The following KIFC2 variants were observed in gnomAD, a reference collection of about 807,000 sequenced individuals.
KIFC2 encodes kinesin-like protein KIFC2.
KIFC2 carries 94 observed loss-of-function variants against 91.5 expected under a neutral mutation model. The observed-to-expected ratio is 1.03, with a 90% CI of 0.87 to 1.22. KIFC2 has a LOEUF of 1.22. Among genes scored for constraint, KIFC2 ranks in the 50% most tolerant of loss-of-function variants. The pLI is 0.00. For synonymous variants in KIFC2, 729 were observed against 503.9 expected, an observed-to-expected ratio of 1.45 and a Z score of -5.98; for missense variants, 1,357 against 1,103.3, an observed-to-expected ratio of 1.23 and a Z score of -3.26.
chr8:144,467,509 C>T lies in KIFC2; in HGVS notation c.494C>T (p.Pro165Leu), dbSNP rs1483692247. The T allele has an allele frequency of 1.3e-5, 21 of 1,586,808 alleles. No homozygotes were observed. Among genetic ancestry groups the T allele is most frequent in the Admixed American group, 3.6e-5 (2 of 54,976 alleles). ...PDGSTSQEES[P>L]SHFTAVPGEP... ...GGATCCACATCCCAAGAAGAAAGCC[C>T]TTCCCACTTCACCGCAGTCCCAGGC... is the stretch of plus-strand genomic sequence containing the variant. Residue 165 changes from proline to leucine, a missense_variant, in exon 5 of 18, where the codon CCT (proline) becomes CTT (leucine). Physicochemically the swap from Pro to Leu is moderately conservative, Grantham distance 98 (BLOSUM62 -3). Coordinates refer to ENST00000645548, the MANE Select transcript of KIFC2 (RefSeq NM_001369769.2).
chr8:144,467,979 G>A lies in KIFC2; in HGVS notation c.802G>A (p.Ala268Thr), dbSNP rs377432448. Residue 268 changes from alanine (A) to threonine (T), a missense_variant, in exon 7 of 18, where the codon GCT becomes ACT. By Grantham distance (58) the Ala-to-Thr change is moderately conservative. Transcript: ENST00000645548. Reference protein sequence around the residue: ...LHWGPGPPIRAPQEEAEALLE... With the variant: ...LHWGPGPPIRTPQEEAEALLE... ...CTGGGGCCCCGGGCCCCCCATCAGG[G>A]CTCCGCAGGTACTCTGCTCCCGAGC... 7.7e-6 allele frequency: 12 copies of A among 1,565,176 alleles called. No individual in the cohort carries two copies. Among genetic ancestry groups the A allele is most frequent in the African/African-American group, 1.4e-5 (1 of 72,500 alleles).
intron 4 of KIFC2, 53 bp from the exon 5 acceptor site, chr8:144,467,432 G>A: frequency 5.8e-6 from 9 of 1,539,100 alleles, no homozygotes; most frequent in African/African-American, 1.4e-5. Flanking sequence ...TCATGTTCCG[G>A]AAGATTTGGA....
chr8:144,467,166 T>G (rs200556009), intron 3 of KIFC2, 37 bp from the exon 4 acceptor site: 6 of 1,613,028 alleles, frequency 3.7e-6, no homozygotes. Context: ...CCTTCCTGGC[T>G]TTCACAGCCC....
intron 11 of KIFC2, 29 bp downstream of exon 11, chr8:144,469,408 C>T: frequency 1.2e-6 from 2 of 1,611,558 alleles, no homozygotes; most frequent in Non-Finnish European, 1.7e-6. Context: ...CCTAGCGGGG[C>T]AGGGAGGGCG....
chr8:144,471,434 C>T (rs1410369250), intron 12 of KIFC2, among the ~76,000 whole-genome samples: 1 of 152,002 alleles, frequency 6.6e-6, no homozygotes, highest in Admixed American at 6.6e-5. Flanking sequence ...CCTCAGCCTC[C>T]CGAGTAGCTG....
Position 144,473,287 on chromosome 8 carries a change from G to C in KIFC2, c.2274G>C (p.Gly758=), listed in dbSNP as rs1225532070. 1.2e-6 allele frequency: 2 copies of C among 1,605,980 alleles called. No individual in the cohort carries two copies. The highest frequency in any genetic ancestry group is 1.7e-6 in the Non-Finnish European group (2 of 1,177,296). ...SSLSTDTPLT[G]TPCTPTPSPG... Reference sequence around the variant, plus strand: ...TCAGCACCGACACTCCGCTCACCGGGACCCCCTGCACCCCTACGCCGTCCC... The same window carrying C: ...TCAGCACCGACACTCCGCTCACCGGCACCCCCTGCACCCCTACGCCGTCCC... Residue 758 remains glycine (G), a synonymous_variant, in exon 18 of 18, where the codon GGG becomes GGC. Transcript: ENST00000645548.
chr8:144,471,501 C>CG (rs771223394), intron 12 of KIFC2, among the ~76,000 whole-genome samples: 3 of 151,984 alleles, frequency 2.0e-5, no homozygotes, highest in Non-Finnish European at 4.4e-5. Flanking sequence ...TTTGTACAGA[C>CG]GGGATTTCAC....
chr8:144,468,350 G>C lies in KIFC2; in HGVS notation c.832G>C (p.Glu278Gln). ...APQEEAEALL[E>Q]LQGRLQEAQD... The stretch of plus-strand genomic sequence containing the variant: ...GCAGGAGGAGGCAGAGGCATTGCTA[G>C]AGCTCCAGGGCCGGCTTCAGGAGGC... Residue 278 changes from glutamate to glutamine, a missense_variant, in exon 8 of 18, where the codon GAG (glutamate) becomes CAG (glutamine). Transcript: ENST00000645548. 2 of 1,612,560 alleles carry C rather than the reference G, an allele frequency of 1.2e-6. No individual in the cohort carries two copies. The highest frequency in any genetic ancestry group is 1.7e-6 in the Non-Finnish European group (2 of 1,179,716).
In KIFC2 at chr8:144,471,978, C is replaced by T; in HGVS notation, c.1417C>T (p.Leu473Phe). The T allele has an allele frequency of 1.2e-6, 2 of 1,613,484 alleles. No individual in the cohort carries two copies. Among genetic ancestry groups the T allele is most frequent in the African/African-American group, 1.3e-5 (1 of 75,070 alleles). ...RELEPAVLSC[L>F]RGYSVCIFTY... is the part of the protein sequence containing the mutation. The stretch of plus-strand genomic sequence containing the variant: ...GCTGGAACCTGCGGTGCTGTCCTGC[C>T]TCCGAGGCTACAGCGTCTGCATCTT... Residue 473 changes from leucine to phenylalanine, a missense_variant, in exon 13 of 18, where the codon CTC (leucine) becomes TTC (phenylalanine). Physicochemically the swap from Leu to Phe is conservative, Grantham distance 22 (BLOSUM62 0). Transcript: ENST00000645548.
chr8:144,466,788 G>C lies in KIFC2; in HGVS notation c.128G>C (p.Arg43Pro). 1.3e-6 allele frequency: 2 copies of C among 1,534,376 alleles called. No homozygotes were observed. Among genetic ancestry groups the C allele is most frequent in the Non-Finnish European group, 1.7e-6 (2 of 1,147,540 alleles). The change falls in exon 2 of 18, where the codon CGC becomes CCC. Residue 43 changes from arginine to proline, a missense_variant. Physicochemically the swap from Arg to Pro is moderately radical, Grantham distance 103 (BLOSUM62 -2). Coordinates refer to ENST00000645548, the MANE Select transcript of KIFC2 (RefSeq NM_001369769.2). ...QRARKPRGRR[R>P]PDLPAPELWT... ...GCCCGCAAGCCCCGGGGTCGCCGGC[G>C]CCCAGACCTGCCCGCGCCAGAGCTG...
In KIFC2 at chr8:144,471,984, G is replaced by C; in HGVS notation, c.1423G>C (p.Gly475Arg). Reference sequence around the variant, plus strand: ...ACCTGCGGTGCTGTCCTGCCTCCGAGGCTACAGCGTCTGCATCTTCACCTA... The same window carrying C: ...ACCTGCGGTGCTGTCCTGCCTCCGACGCTACAGCGTCTGCATCTTCACCTA... ...LEPAVLSCLR[G>R]YSVCIFTYGQ... Residue 475 changes from glycine (G) to arginine (R), a missense_variant, in exon 13 of 18, where the codon GGC (glycine) becomes CGC (arginine). Physicochemically the swap from Gly to Arg is moderately radical, Grantham distance 125 (BLOSUM62 -2). Transcript: ENST00000645548. 1 of 1,613,506 alleles carries C rather than the reference G, an allele frequency of 6.2e-7. No individual in the cohort carries two copies.
Position 144,467,229 on chromosome 8 carries a change from A to G in KIFC2, c.357A>G (p.Thr119=), listed in dbSNP as rs999638065. 4 of 1,613,572 alleles carry G rather than the reference A, an allele frequency of 2.5e-6. No homozygotes were observed. In the African/African-American group the frequency reaches 4.0e-5, roughly 16 times the overall value. ...CTGGCGAGGTCCCCTCACTGTTGAC[A>G]GTGACCAGTCAGCTCTTGGCCCTTC... is the stretch of plus-strand genomic sequence containing the variant. ...GQSGEVPSLL[T]VTSQLLALLA... Residue 119 remains threonine, a synonymous_variant, in exon 4 of 18, where the codon ACA becomes ACG. Coordinates refer to ENST00000645548, the MANE Select transcript of KIFC2 (RefSeq NM_001369769.2).
At position 144,473,010 on chromosome 8, in the gene KIFC2, C is replaced by T; in HGVS notation, c.2077C>T (p.Pro693Ser). The change falls in exon 17 of 18, where the codon CCG becomes TCG. Residue 693 changes from proline (P) to serine (S), a missense_variant. By Grantham distance (74) the Pro-to-Ser change is moderately conservative (BLOSUM62 -1). Coordinates refer to ENST00000645548, the MANE Select transcript of KIFC2 (RefSeq NM_001369769.2). ...RDSQLTRLLQPALGPGTTAVL... is the reference protein window; with the variant it reads ...RDSQLTRLLQSALGPGTTAVL... ...CTCGCAGCTCACGCGACTGCTGCAG[C>T]CGGCGCTGGGCCCAGGCACCACCGC... is the stretch of plus-strand genomic sequence containing the variant. 1 of 1,425,428 alleles carries T rather than the reference C, an allele frequency of 7.0e-7. No homozygotes were observed. The highest frequency in any genetic ancestry group is 9.1e-7 in the Non-Finnish European group (1 of 1,097,064). 88.3% of individuals were successfully genotyped at this position (1,425,428 alleles called of 1,614,324 possible).
In KIFC2 at chr8:144,468,337, A is replaced by G. The variant is rs2250657; in HGVS notation, c.819A>G (p.Ala273=). The G allele has an allele frequency of 0.99, 1,594,274 of 1,611,522 alleles. 790,197 individuals are homozygous for G. Among genetic ancestry groups the G allele is most frequent in the Non-Finnish European group, 1 (1,178,921 of 1,179,378 alleles). ...GPPIRAPQEE[A]EALLELQGRL... ...CCCCCACCCTCCCGCAGGAGGAGGC[A>G]GAGGCATTGCTAGAGCTCCAGGGCC... The change falls in exon 8 of 18, where the codon GCA becomes GCG. Residue 273 remains alanine, a synonymous_variant. Transcript: ENST00000645548.
At position 144,474,108 on chromosome 8, in the gene KIFC2, G is replaced by A; in HGVS notation, c.*719G>A. The A allele has an allele frequency of 1.4e-6, 1 of 712,068 alleles. No homozygotes were observed. Among genetic ancestry groups the A allele is most frequent in the East Asian group, 2.7e-5 (1 of 36,848 alleles). The allele number at this position is 712,068 out of a possible 1,614,324, so 44.1% of individuals were successfully genotyped here. A position where few individuals can be genotyped will look rare whatever the true frequency, so the allele number is the denominator to read the frequency against. ...CGTGGGGTGGCCCAATAAACACCGT[G>A]GACTCCCAGCAAGGCTGCTGCCTGG... On this transcript the variant is annotated 3_prime_UTR_variant, in exon 18 of 18. Transcript: ENST00000645548.
chr8:144,469,740 C>T (rs1824852786), intron 12 of KIFC2, 93 bp downstream of exon 12: 3 of 1,434,394 alleles, frequency 2.1e-6, no homozygotes, highest in African/African-American at 1.4e-5. Context: ...GTCTGGGTGT[C>T]CACCTGGAGG....
rs746337377 is a variant in KIFC2 at position 144,472,781 on chromosome 8, G to C, written c.1862-14G>C. The C allele has an allele frequency of 1.4e-4, 223 of 1,591,006 alleles. No homozygotes were observed. The highest frequency in any genetic ancestry group is 1.8e-4 in the Non-Finnish European group (214 of 1,176,826). ...CCCGGCCTTCCCCCATGTCGGGCTC[G>C]CTCGCCCCTCTAGGCACGCTGCACC... On this transcript the variant is annotated splice_polypyrimidine_tract_variant and intron_variant, in intron 16 of 17. Coordinates refer to ENST00000645548, the MANE Select transcript of KIFC2 (RefSeq NM_001369769.2).
rs746520265 is a variant in KIFC2 at position 144,468,837 on chromosome 8, C to T, written c.1113+3C>T. The T allele has an allele frequency of 6.2e-7, 1 of 1,610,164 alleles. No homozygotes were observed. The highest frequency in any genetic ancestry group is 8.5e-7 in the Non-Finnish European group (1 of 1,176,732). On this transcript the variant is annotated splice_donor_region_variant and intron_variant, in intron 10 of 17. Transcript: ENST00000645548. ...CGCTGAGTGAGGCCCGGGGCCAGGT[C>T]AGGACCCCTCCCCGCCTAGCCCCTC... is the stretch of plus-strand genomic sequence containing the variant.
intron 12 of KIFC2, among the ~76,000 whole-genome samples, chr8:144,470,943 C>T (rs1304974706): frequency 7.9e-5 from 12 of 152,194 alleles, no homozygotes; most frequent in South Asian, 4.1e-4. Flanking sequence ...CGTGCAGTCA[C>T]GCCCCAACAT....
Sources: gnomAD v4.1 joint callset for allele counts (sites outside exome capture counted in the v4.1 genomes callset) on GRCh38, gnomAD v4.1.1 for gene constraint, MANE v1.5 for transcripts, NCBI Gene and HGNC (gene_info 2026-07-23, HGNC 2026-07-21) for gene names.